NKAIN2: variants seen among roughly 807,000 people sequenced by gnomAD.
The protein encoded by NKAIN2 is sodium/potassium transporting ATPase interacting 2, also known as sodium/potassium-transporting ATPase subunit beta-1-interacting protein 2.
Under a neutral mutation model 32.6 loss-of-function variants are expected in NKAIN2, and 14 were observed. The observed-to-expected ratio is 0.43, with a 90% CI of 0.28 to 0.67. The LOEUF is 0.67. NKAIN2 is among the 30% of genes least tolerant of loss of function. The pLI is 0.17. For missense variants in NKAIN2, 198 were observed against 258.3 expected, an observed-to-expected ratio of 0.77 and a Z score of 1.60; for synonymous variants, 80 against 87.2, an observed-to-expected ratio of 0.92 and a Z score of 0.46.
At chr6:124,381,392 A>C (rs1458795978) in intron 3 of NKAIN2, among the ~76,000 whole-genome samples, 1 of 152,190 alleles carries the variant, frequency 6.6e-6, no homozygotes, top group African/African-American at 2.4e-5. Context: ...AATATTTAAG[A>C]GTGTAAACTG....
chr6:123,913,321 G>A (rs1047792160), intron 1 of NKAIN2, among the ~76,000 whole-genome samples: 9 of 152,144 alleles, frequency 5.9e-5, no homozygotes, highest in African/African-American at 2.2e-4. Flanking sequence ...TAAAAGTTCT[G>A]CAAATAAAGG....
chr6:124,719,809 G>C (rs554779403), intron 4 of NKAIN2, among the ~76,000 whole-genome samples: 1 of 151,842 alleles, frequency 6.6e-6, no homozygotes, highest in Admixed American at 6.6e-5. Context: ...TATTGTAATG[G>C]AACTTTTCTC....
chr6:123,919,433 A>G (rs1284802487), intron 1 of NKAIN2, among the ~76,000 whole-genome samples: 1 of 152,146 alleles, frequency 6.6e-6, no homozygotes, highest in Non-Finnish European at 1.5e-5. Flanking sequence ...TATTTTCTAA[A>G]TATAGAACAG....
At chr6:124,575,488 T>A (rs1329958681) in intron 3 of NKAIN2, among the ~76,000 whole-genome samples, 1 of 152,200 alleles carries the variant, frequency 6.6e-6, no homozygotes. Flanking sequence ...CTCCTTACTT[T>A]TCATTATGAA....
intron 3 of NKAIN2, among the ~76,000 whole-genome samples, chr6:124,542,649 A>G (rs1043936597): frequency 6.6e-6 from 1 of 152,186 alleles, no homozygotes; most frequent in Non-Finnish European, 1.5e-5. Flanking sequence ...CAAAGCCATA[A>G]CAACACTGAT....
rs189580116 is a variant in NKAIN2, at chr6:124,254,412, G to A, written c.55-28593G>A. 1.6e-3 allele frequency among the ~76,000 whole-genome samples: 242 copies of A among 152,316 alleles called. 3 individuals are homozygous for A. Among genetic ancestry groups the A allele is most frequent in the Non-Finnish European group, 2.8e-4 (19 of 68,030 alleles). ...ATGAAGAGACTGGCTTTTAGGAAAT[G>A]GTGAATTGCTTTCTTCTTGCTTTTT... On this transcript the variant is annotated intron_variant, in intron 1 of 6. Transcript: ENST00000368417.
At chr6:124,679,839 A>G (rs1014296623) in intron 4 of NKAIN2, among the ~76,000 whole-genome samples, 1 of 152,200 alleles carries the variant, frequency 6.6e-6, no homozygotes, top group Non-Finnish European at 1.5e-5. Flanking sequence ...AGGCAGGTTT[A>G]TATGGAAAAA....
chr6:123,998,847 A>G (rs996323363), intron 1 of NKAIN2, among the ~76,000 whole-genome samples: 1 of 150,912 alleles, frequency 6.6e-6, no homozygotes, highest in Non-Finnish European at 1.5e-5. Context: ...GGTATCAAAA[A>G]GATAAAATGA....
intron 3 of NKAIN2, among the ~76,000 whole-genome samples, chr6:124,556,479 C>T (rs955187051): frequency 6.6e-6 from 1 of 152,042 alleles, no homozygotes; most frequent in Non-Finnish European, 1.5e-5. Context: ...GAGTGGGTTC[C>T]TGATAAAAGG....
At chr6:123,834,314 C>T (rs1171981835) in intron 1 of NKAIN2, among the ~76,000 whole-genome samples, 2 of 151,968 alleles carry the variant, frequency 1.3e-5, no homozygotes, top group Non-Finnish European at 2.9e-5. Flanking sequence ...GCCACCAAGC[C>T]TTGTTAATTT....
At chr6:124,041,385 G>A (rs573218327) in intron 1 of NKAIN2, among the ~76,000 whole-genome samples, 4 of 152,110 alleles carry the variant, frequency 2.6e-5, no homozygotes, top group East Asian at 3.9e-4. Flanking sequence ...TTCTGAAAAC[G>A]TAAGGCCAAA....
chr6:123,981,840 C>A (rs1456686348), intron 1 of NKAIN2, among the ~76,000 whole-genome samples: 1 of 151,866 alleles, frequency 6.6e-6, no homozygotes, highest in Non-Finnish European at 1.5e-5. Flanking sequence ...GGAGAGCAGG[C>A]AAAGGGAGCA....
At chr6:124,289,817 T>C (rs944246809) in intron 2 of NKAIN2, among the ~76,000 whole-genome samples, 4 of 152,188 alleles carry the variant, frequency 2.6e-5, no homozygotes, top group Non-Finnish European at 5.9e-5. Context: ...TTAATCTATG[T>C]TCAAGTAGTT....
intron 3 of NKAIN2, among the ~76,000 whole-genome samples, chr6:124,439,109 A>G (rs1775582510): frequency 6.6e-6 from 1 of 152,122 alleles, no homozygotes; most frequent in African/African-American, 2.4e-5. Context: ...TCTTCTCAAT[A>G]GCTAATGGCA....
chr6:124,540,814 T>A (rs1215431482), intron 3 of NKAIN2, among the ~76,000 whole-genome samples: 1 of 152,210 alleles, frequency 6.6e-6, no homozygotes, highest in African/African-American at 2.4e-5. Context: ...CACTTTATTA[T>A]AAAATAGGCT....
intron 1 of NKAIN2, among the ~76,000 whole-genome samples, chr6:123,977,632 C>T (rs1025466358): frequency 1.3e-5 from 2 of 152,050 alleles, no homozygotes; most frequent in African/African-American, 4.8e-5. Flanking sequence ...TATCCGGAGC[C>T]CTTTCTCTGG....
At chr6:124,420,380 G>GAAGTGA (rs554809305) in intron 3 of NKAIN2, among the ~76,000 whole-genome samples, 51 of 152,258 alleles carry the variant, frequency 3.3e-4, no homozygotes, top group Admixed American at 2.0e-3. Flanking sequence ...AGAAAGAAGT[G>GAAGTGA]AAGTGAAGGT....
At chr6:124,529,860 A>G (rs1349652751) in intron 3 of NKAIN2, among the ~76,000 whole-genome samples, 1 of 152,254 alleles carries the variant, frequency 6.6e-6, no homozygotes, top group Admixed American at 6.5e-5. Context: ...TCAAATTATA[A>G]TGGGCTGAAT....
intron 4 of NKAIN2, among the ~76,000 whole-genome samples, chr6:124,783,031 T>C (rs2114789421): frequency 6.6e-6 from 1 of 152,256 alleles, no homozygotes; most frequent in South Asian, 2.1e-4. Flanking sequence ...AGATTGGCCA[T>C]TTCTTTGATC....
Sources: gnomAD v4.1 joint callset for allele counts (sites outside exome capture counted in the v4.1 genomes callset) on GRCh38, gnomAD v4.1.1 for gene constraint, MANE v1.5 for transcripts, NCBI Gene and HGNC (gene_info 2026-07-23, HGNC 2026-07-21) for gene names.